Variants in HEATR5B observed in about 807,000 individuals in gnomAD.
HEATR5B encodes HEAT repeat-containing protein 5B.
Under a neutral mutation model 224.1 loss-of-function variants are expected in HEATR5B, and 156 were observed. The ratio of observed to expected loss-of-function variants is 0.70; its 90% CI spans 0.61 to 0.80. HEATR5B has a LOEUF of 0.80. Among genes scored for constraint, HEATR5B ranks in the 30% least tolerant of loss-of-function variants. HEATR5B has a pLI of 0.00. For missense variants in HEATR5B, 2,323 were observed against 2,535.5 expected (o/e 0.92, Z 1.80); for synonymous variants, 1,027 against 893.0 (o/e 1.15, Z -2.68).
chr2:37,016,861 T>G (rs1011193594), intron 26 of HEATR5B, among the ~76,000 whole-genome samples: 2 of 152,180 alleles, frequency 1.3e-5, no homozygotes, highest in Admixed American at 6.5e-5. Context: ...AACTGATTGT[T>G]ACCAATTAAG....
At chr2:37,013,707 A>C in intron 27 of HEATR5B, 134 bp downstream of exon 27, 1 of 603,246 alleles carries the variant, frequency 1.7e-6, no homozygotes, top group Admixed American at 3.5e-5. Flanking sequence ...CTGATTAACA[A>C]ATTTTCAAAA....
At chr2:37,028,985 T>C in intron 22 of HEATR5B, 65 bp from the exon 23 acceptor site, 1 of 1,503,632 alleles carries the variant, frequency 6.7e-7, no homozygotes, top group Non-Finnish European at 9.1e-7. Context: ...GTAACAATTA[T>C]GATAAAGACC....
chr2:37,021,942 T>A (rs1413530620), intron 24 of HEATR5B, among the ~76,000 whole-genome samples: 3 of 151,094 alleles, frequency 2.0e-5, no homozygotes, highest in Non-Finnish European at 4.4e-5. Flanking sequence ...AGGAATATAA[T>A]AACCATCTGA....
In HEATR5B at chr2:37,048,014, C is replaced by A. The variant is rs544531602; in HGVS notation, c.2696+1639G>T. Among the ~76,000 whole-genome samples, 98 of 151,992 alleles carry A rather than the reference C, an allele frequency of 6.4e-4. 1 individual carries two copies. Among genetic ancestry groups the A allele is most frequent in the Non-Finnish European group, 4.7e-4 (32 of 67,940 alleles). ...AAATAAAATGTGAAAAAATGGGTAACAAAATCTTCGTAATAATTATTTCAG... is the reference window on the plus strand; with the variant it reads ...AAATAAAATGTGAAAAAATGGGTAAAAAAATCTTCGTAATAATTATTTCAG... On this transcript the variant is annotated intron_variant, in intron 18 of 35. Coordinates refer to ENST00000233099, the MANE Select transcript of HEATR5B (RefSeq NM_019024.3).
chr2:37,020,871 T>C, intron 24 of HEATR5B, 35 bp from the exon 25 acceptor site: 1 of 1,244,640 alleles, frequency 8.0e-7, no homozygotes, highest in African/African-American at 1.6e-5. Context: ...AATGAAAACT[T>C]TTCCAAAAAT....
intron 17 of HEATR5B, among the ~76,000 whole-genome samples, chr2:37,053,226 C>G (rs943545786): frequency 6.6e-6 from 1 of 152,200 alleles, no homozygotes; most frequent in African/African-American, 2.4e-5. Flanking sequence ...CGATTTCATT[C>G]GTCAAACATC....
intron 7 of HEATR5B, 90 bp from the exon 8 acceptor site, chr2:37,069,020 G>T: frequency 7.7e-7 from 1 of 1,295,486 alleles, no homozygotes; most frequent in Non-Finnish European, 1.1e-6. Context: ...ACTGATAACA[G>T]CATGCTGAAT....
At chr2:37,006,995 A>G in intron 29 of HEATR5B, 55 bp downstream of exon 29, 3 of 1,549,574 alleles carry the variant, frequency 1.9e-6, no homozygotes, top group Non-Finnish European at 2.7e-6. Context: ...TTAAAATGAA[A>G]GATATGAATT....
intron 35 of HEATR5B, among the ~76,000 whole-genome samples, chr2:36,986,706 C>T (rs9636428): frequency 0.17 from 26,237 of 152,124 alleles, 3,071 homozygotes; most frequent in East Asian, 0.51. Flanking sequence ...CAACCTCCGC[C>T]TCCCGGGTTC....
intron 35 of HEATR5B, among the ~76,000 whole-genome samples, chr2:36,986,107 A>G (rs1260135732): frequency 2.6e-5 from 4 of 152,206 alleles, no homozygotes; most frequent in African/African-American, 9.6e-5. Context: ...AATAAAACTT[A>G]GTGCTGGGAT....
At chr2:37,016,253 C>T (rs373592814) in intron 26 of HEATR5B, among the ~76,000 whole-genome samples, 1 of 152,122 alleles carries the variant, frequency 6.6e-6, no homozygotes, top group Admixed American at 6.6e-5. Flanking sequence ...GCTGGGACTA[C>T]AGGCGCCTAA....
intron 12 of HEATR5B, among the ~76,000 whole-genome samples, chr2:37,059,414 G>A (rs1011699476): frequency 1.7e-4 from 12 of 70,208 alleles, no homozygotes; most frequent in South Asian, 6.3e-4. Context: ...ATATGTGTGT[G>A]TGTGTGTGTG....
intron 22 of HEATR5B, among the ~76,000 whole-genome samples, chr2:37,030,968 T>A (rs1218858953): frequency 6.6e-6 from 1 of 152,212 alleles, no homozygotes; most frequent in Non-Finnish European, 1.5e-5. Flanking sequence ...CTGTTGAACA[T>A]CTGCTTTCCT....
intron 10 of HEATR5B, among the ~76,000 whole-genome samples, chr2:37,063,558 A>G (rs1321533289): frequency 6.6e-6 from 1 of 152,140 alleles, no homozygotes; most frequent in Non-Finnish European, 1.5e-5. Flanking sequence ...AAGTCTGAGG[A>G]AGATGAGAAT....
intron 20 of HEATR5B, among the ~76,000 whole-genome samples, chr2:37,038,336 C>T (rs1669647672): frequency 6.6e-6 from 1 of 152,056 alleles, no homozygotes; most frequent in African/African-American, 2.4e-5. Flanking sequence ...GATGAGTTTT[C>T]ACCATGTTGG....
chr2:36,993,221 G>C (rs1208209783), intron 33 of HEATR5B, among the ~76,000 whole-genome samples: 2 of 151,868 alleles, frequency 1.3e-5, no homozygotes, highest in African/African-American at 4.8e-5. Context: ...TAACAGTAAG[G>C]GACCCACTGA....
intron 2 of HEATR5B, among the ~76,000 whole-genome samples, chr2:37,080,950 T>C (rs767291967): frequency 1.1e-4 from 16 of 152,238 alleles, no homozygotes; most frequent in Non-Finnish European, 1.8e-4. Flanking sequence ...TTAATTTGGG[T>C]GGAGGGTGTA....
chr2:37,035,067 TA>T lies in HEATR5B; in HGVS notation c.3217-2295del, dbSNP rs1669392559. On this transcript the variant is annotated intron_variant, in intron 21 of 35. Coordinates refer to ENST00000233099, the MANE Select transcript of HEATR5B (RefSeq NM_019024.3). Reference sequence around the variant, plus strand: ...CACAACTACTGTAAGAATCAAATGGTAAAACATATATGGAGAACATCATAAC... The same window carrying T: ...CACAACTACTGTAAGAATCAAATGGTAAACATATATGGAGAACATCATAAC... 2.0e-5 allele frequency among the ~76,000 whole-genome samples: 3 copies of T among 152,188 alleles called. No homozygotes were observed. The South Asian group carries it at 6.2e-4, about 31-fold the overall frequency.
intron 22 of HEATR5B, 59 bp downstream of exon 22, chr2:37,032,570 T>G: frequency 7.1e-7 from 1 of 1,404,808 alleles, no homozygotes; most frequent in Middle Eastern, 1.8e-4. Context: ...TAAATAGTAC[T>G]TAACTGAAAT....
Sources: gnomAD v4.1 joint callset for allele counts (sites outside exome capture counted in the v4.1 genomes callset) on GRCh38, gnomAD v4.1.1 for gene constraint, MANE v1.5 for transcripts, NCBI Gene and HGNC (gene_info 2026-07-23, HGNC 2026-07-21) for gene names.